WAC: variants seen among roughly 807,000 people sequenced by gnomAD.
The protein encoded by WAC is WW domain-containing adapter protein with coiled-coil.
Under a neutral mutation model 79.6 loss-of-function variants are expected in WAC, and 11 were observed. The ratio of observed to expected loss-of-function variants is 0.14; its 90% confidence interval spans 0.09 to 0.23. The LOEUF is 0.23. WAC is among the 10% of genes least tolerant of loss of function. The pLI is 1.00. For synonymous variants in WAC, 304 were observed against 276.9 expected (o/e 1.10, Z -0.97); for missense variants, 728 against 773.5 (o/e 0.94, Z 0.70).
At chr10:28,556,112 T>C (rs1178487197) in intron 3 of WAC, among the ~76,000 whole-genome samples, 1 of 152,188 alleles carries the variant, frequency 6.6e-6, no homozygotes, top group African/African-American at 2.4e-5. Context: ...GTAGGTTTGC[T>C]GGATCATATG....
chr10:28,596,074 A>C (rs752365999), intron 7 of WAC, 33 bp downstream of exon 7: 50 of 1,571,632 alleles, frequency 3.2e-5, no homozygotes, highest in Non-Finnish European at 4.2e-5. Context: ...TGCACGTTGA[A>C]CTATAGTTTC....
chr10:28,543,288 T>C (rs191319301), intron 3 of WAC, among the ~76,000 whole-genome samples: 20 of 152,082 alleles, frequency 1.3e-4, no homozygotes, highest in Non-Finnish European at 2.1e-4. Flanking sequence ...CTAGTAGCTT[T>C]GCTTAAAAAC....
intron 3 of WAC, among the ~76,000 whole-genome samples, chr10:28,568,815 G>T (rs974123779): frequency 1.3e-5 from 2 of 151,864 alleles, no homozygotes; most frequent in Non-Finnish European, 2.9e-5. Flanking sequence ...CTCATGATCC[G>T]CCCACCTTGG....
chr10:28,588,332 C>T (rs951788785), intron 4 of WAC, among the ~76,000 whole-genome samples: 9 of 152,262 alleles, frequency 5.9e-5, no homozygotes, highest in Admixed American at 1.3e-4. Context: ...GGTGTGAGGG[C>T]GCAGGGCTGC....
chr10:28,546,554 T>C (rs964335993), intron 3 of WAC, among the ~76,000 whole-genome samples: 1 of 152,372 alleles, frequency 6.6e-6, no homozygotes, highest in African/African-American at 2.4e-5. Flanking sequence ...ATCGCAGTTA[T>C]GATACTTTGA....
intron 7 of WAC, among the ~76,000 whole-genome samples, chr10:28,598,883 G>A (rs1254967871): frequency 6.6e-6 from 1 of 152,158 alleles, no homozygotes; most frequent in Non-Finnish European, 1.5e-5. Context: ...GAAGAAACTC[G>A]ATTACCTACC....
chr10:28,606,160 C>A (rs1840937465), intron 7 of WAC, among the ~76,000 whole-genome samples: 1 of 151,990 alleles, frequency 6.6e-6, no homozygotes, highest in African/African-American at 2.4e-5. Context: ...AGGTGGTTCT[C>A]CCACCTCAGC....
At chr10:28,612,964 G>C (rs949412450) in intron 10 of WAC, among the ~76,000 whole-genome samples, 1 of 152,122 alleles carries the variant, frequency 6.6e-6, no homozygotes, top group Non-Finnish European at 1.5e-5. Flanking sequence ...TGGTTTTATA[G>C]TCACTTGTAA....
intron 3 of WAC, among the ~76,000 whole-genome samples, chr10:28,574,482 G>C (rs1351564476): frequency 2.0e-5 from 3 of 151,960 alleles, no homozygotes; most frequent in African/African-American, 7.2e-5. Context: ...TCATTCTGTT[G>C]CCCAGGCTGG....
rs1364775357 is a variant in WAC at position 28,533,687 on chromosome 10, T to C, written c.41+67T>C. Reference sequence around the variant, plus strand: ...CGGCGGCGGGGGGGCTGTTCCTCCTTATCTGGAGCTGGCCGGGCCGCCATT... The same window carrying C: ...CGGCGGCGGGGGGGCTGTTCCTCCTCATCTGGAGCTGGCCGGGCCGCCATT... On this transcript the variant is annotated intron_variant, in intron 1 of 13. Coordinates refer to ENST00000354911, the MANE Select transcript of WAC (RefSeq NM_016628.5). 7.9e-5 allele frequency: 117 copies of C among 1,472,030 alleles called. 3 individuals are homozygous for C. In the South Asian group the frequency reaches 1.2e-3, roughly 15 times the overall value. The allele number at this position is 1,472,030 out of a possible 1,614,324, so 91.2% of individuals were successfully genotyped here. A position where few individuals can be genotyped will look rare whatever the true frequency, so the allele number is the denominator to read the frequency against.
intron 3 of WAC, among the ~76,000 whole-genome samples, chr10:28,570,934 C>T (rs1365832573): frequency 1.4e-5 from 2 of 140,658 alleles, no homozygotes; most frequent in Admixed American, 7.2e-5. Flanking sequence ...TTGTGTTATC[C>T]TTAAAGATAT....
intron 3 of WAC, among the ~76,000 whole-genome samples, chr10:28,550,411 C>G (rs1347012070): frequency 6.6e-6 from 1 of 151,400 alleles, no homozygotes; most frequent in Admixed American, 6.6e-5. Context: ...CCTTCAAGGT[C>G]CCACTTTATT....
chr10:28,611,260 C>G (rs1325588853), intron 9 of WAC: 1 of 1,291,846 alleles, frequency 7.7e-7, no homozygotes, highest in Non-Finnish European at 1.0e-6. Context: ...ATTAGATATC[C>G]CTCTTCATGA....
intron 3 of WAC, among the ~76,000 whole-genome samples, chr10:28,539,762 T>C (rs1377306656): frequency 3.9e-5 from 6 of 152,166 alleles, no homozygotes; most frequent in Non-Finnish European, 8.8e-5. Context: ...TTTCACCAAG[T>C]TGGCCAGGCT....
Position 28,617,772 on chromosome 10 carries a change from T to C in WAC, c.1862T>C (p.Leu621Ser), listed in dbSNP as rs770718000. The C allele has an allele frequency of 6.3e-7, 1 of 1,586,402 alleles. No individual in the cohort carries two copies. Among genetic ancestry groups the C allele is most frequent in the South Asian group, 1.2e-5 (1 of 82,602 alleles). ...LVRVCEIQATLREQRILFLRQ... is the reference protein window; with the variant it reads ...LVRVCEIQATSREQRILFLRQ... Reference sequence around the variant, plus strand: ...CGAGTATGTGAAATTCAAGCAACTTTGCGAGAGCAAAGGTAAGTCTTTCAC... The same window carrying C: ...CGAGTATGTGAAATTCAAGCAACTTCGCGAGAGCAAAGGTAAGTCTTTCAC... The change falls in exon 13 of 14, where the codon TTG becomes TCG. Residue 621 changes from leucine to serine, a missense_variant. Leu to Ser is a moderately radical substitution (Grantham distance 145). Coordinates refer to ENST00000354911, the MANE Select transcript of WAC (RefSeq NM_016628.5).
At chr10:28,554,532 A>G (rs188899703) in intron 3 of WAC, among the ~76,000 whole-genome samples, 163 of 152,120 alleles carry the variant, frequency 1.1e-3, no homozygotes, top group Admixed American at 3.3e-3. Context: ...CTTATCCCCA[A>G]TATCCACGAA....
intron 8 of WAC, 131 bp downstream of exon 8, chr10:28,608,562 GT>G (rs574825135): frequency 1.8e-5 from 20 of 1,086,486 alleles, no homozygotes; most frequent in Non-Finnish European, 2.4e-5. Flanking sequence ...TTTTTGTTTT[GT>G]TTTTTGTTTT....
intron 8 of WAC, chr10:28,608,679 T>C: frequency 2.2e-6 from 1 of 445,866 alleles, no homozygotes; most frequent in Admixed American, 4.1e-5. Context: ...GTTATGTGTC[T>C]GGTAGTTACT....
chr10:28,535,886 C>A (rs887377273), intron 3 of WAC, 129 bp downstream of exon 3: 2 of 792,890 alleles, frequency 2.5e-6, no homozygotes, highest in South Asian at 2.4e-5. Flanking sequence ...TTAATCCTAT[C>A]ATTTTTTTTT....
Sources: gnomAD v4.1 joint callset for allele counts (sites outside exome capture counted in the v4.1 genomes callset) on GRCh38, gnomAD v4.1.1 for gene constraint, MANE v1.5 for transcripts, NCBI Gene and HGNC (gene_info 2026-07-23, HGNC 2026-07-21) for gene names.